The following MGAT5 variants were observed in gnomAD, a reference collection of about 807,000 sequenced individuals.
MGAT5 encodes the protein alpha-1,6-mannosylglycoprotein 6-beta-N-acetylglucosaminyltransferase A.
In MGAT5, 30 loss-of-function variants were observed where a neutral mutation model predicts 94.3. That is an observed-to-expected ratio of 0.32 (90% CI 0.24 to 0.43). The LOEUF (loss-of-function observed/expected upper bound fraction) is 0.43. Ranked by LOEUF, MGAT5 falls within the 20% of genes least tolerant of loss-of-function variation. MGAT5 has a pLI of 1.00. For synonymous variants in MGAT5, 310 were observed against 322.9 expected, an observed-to-expected ratio of 0.96 and a Z score of 0.43; for missense variants, 691 against 905.5, an observed-to-expected ratio of 0.76 and a Z score of 3.04.
At chr2:134,344,058 C>T (rs1360223685) in intron 7 of MGAT5, among the ~76,000 whole-genome samples, 3 of 152,070 alleles carry the variant, frequency 2.0e-5, no homozygotes, top group Non-Finnish European at 2.9e-5. Flanking sequence ...TTGTGACTCT[C>T]GTCCTTTGAA....
At chr2:134,224,370 G>A (rs1025365209) in intron 1 of MGAT5, among the ~76,000 whole-genome samples, 1 of 152,172 alleles carries the variant, frequency 6.6e-6, no homozygotes, top group Non-Finnish European at 1.5e-5. Flanking sequence ...GGAAGACAGG[G>A]AGGGAGCTTC....
At chr2:134,352,530 A>C (rs1323565793) in intron 9 of MGAT5, among the ~76,000 whole-genome samples, 3 of 152,134 alleles carry the variant, frequency 2.0e-5, no homozygotes, top group Admixed American at 2.0e-4. Context: ...GAATGAACTT[A>C]TGTTTCCAAA....
intron 2 of MGAT5, 98 bp from the exon 3 acceptor site, chr2:134,317,431 C>CT: frequency 1.3e-6 from 1 of 789,618 alleles, no homozygotes; most frequent in South Asian, 2.0e-5. Context: ...AGAGACCTTT[C>CT]TTTTTTGGTT....
At chr2:134,312,547 A>G (rs59902004) in intron 2 of MGAT5, among the ~76,000 whole-genome samples, 23,563 of 151,996 alleles carry the variant, frequency 0.16, 2,061 homozygotes, top group South Asian at 0.3. Context: ...TCTTCATTGC[A>G]TTTGTTCCTT....
At chr2:134,442,035 T>TGGGAG (rs1685514903) in intron 15 of MGAT5, 120 bp downstream of exon 15, 1 of 1,150,802 alleles carries the variant, frequency 8.7e-7, no homozygotes, top group African/African-American at 1.5e-5. Flanking sequence ...GGATAAGGTG[T>TGGGAG]GGGAGGGGAG....
chr2:134,451,181 A>G lies in MGAT5; in HGVS notation c.*2334A>G, dbSNP rs1425784498. 1 of 152,214 alleles carries G rather than the reference A, an allele frequency of 6.6e-6. No homozygotes were observed. The highest frequency in any genetic ancestry group is 2.4e-5 in the African/African-American group (1 of 41,440). 9.4% of individuals were successfully genotyped at this position (152,214 alleles called of 1,614,324 possible). On this transcript the variant is annotated 3_prime_UTR_variant, in exon 16 of 16. Coordinates refer to ENST00000281923, the MANE Select transcript of MGAT5 (RefSeq NM_002410.5). ...TTGTGTTCCAAAAGCTGCAAGGATC[A>G]TTTGCTGGCTGTCCCTAAGTTCAAG...
chr2:134,392,410 C>G (rs1466890300), intron 10 of MGAT5, among the ~76,000 whole-genome samples: 1 of 152,176 alleles, frequency 6.6e-6, no homozygotes, highest in Admixed American at 6.5e-5. Flanking sequence ...AAAATCAGCT[C>G]TTCATTTAAA....
chr2:134,382,537 C>T (rs182581635), intron 10 of MGAT5, among the ~76,000 whole-genome samples: 47 of 152,190 alleles, frequency 3.1e-4, no homozygotes, highest in African/African-American at 1.1e-3. Flanking sequence ...AAATATAGGG[C>T]CTTAGGAACA....
At chr2:134,288,819 C>T (rs1685172745) in intron 2 of MGAT5, among the ~76,000 whole-genome samples, 1 of 152,112 alleles carries the variant, frequency 6.6e-6, no homozygotes, top group Non-Finnish European at 1.5e-5. Flanking sequence ...CCACCCATTC[C>T]CCTTCCCACT....
At chr2:134,433,459 T>A (rs6712534) in intron 14 of MGAT5, among the ~76,000 whole-genome samples, 1 of 152,168 alleles carries the variant, frequency 6.6e-6, no homozygotes, top group East Asian at 1.9e-4. Context: ...GGTGAGTTTT[T>A]TGCTCAGTGG....
Position 134,145,214 on chromosome 2 carries a change from C to CTCTGTGTGTGTGTGTGTG in MGAT5, c.-143+24924_-143+24925insCTGTGTGTGTGTGTGTGT, listed in dbSNP as rs373377770. On this transcript the variant is annotated intron_variant, in intron 1 of 16. Coordinates refer to the MGAT5 transcript ENST00000409645. ...GTAAGGTGTGTGTGTGTCTCTCTCTCTGTGTGTGTGTGTGTGTGTGTGTGT... is the reference window on the plus strand; with the variant it reads ...GTAAGGTGTGTGTGTGTCTCTCTCTCTCTGTGTGTGTGTGTGTGTGTGTGTGTGTGTGTGTGTGTGTGT... Among the ~76,000 whole-genome samples the CTCTGTGTGTGTGTGTGTG allele has an allele frequency of 6.4e-3, 915 of 143,848 alleles. 9 individuals are homozygous for CTCTGTGTGTGTGTGTGTG. Among genetic ancestry groups the CTCTGTGTGTGTGTGTGTG allele is most frequent in the African/African-American group, 0.023 (883 of 38,554 alleles). The allele number at this position is 143,848 out of a possible 152,430, so 94.4% of individuals were successfully genotyped here.
chr2:134,434,473 T>A (rs1487894209), intron 14 of MGAT5, among the ~76,000 whole-genome samples: 2 of 152,232 alleles, frequency 1.3e-5, no homozygotes, highest in Non-Finnish European at 2.9e-5. Flanking sequence ...AGCAGGCTTG[T>A]TAACCAGATT....
chr2:134,130,254 ACCGCCC>A, intron 1 of MGAT5, among the ~76,000 whole-genome samples: 1 of 127,700 alleles, frequency 7.8e-6, no homozygotes, highest in Non-Finnish European at 1.7e-5. Context: ...ACCGCCCCAC[ACCGCCC>A]CACACCGCCC....
At chr2:134,419,810 A>G (rs753159504) in intron 12 of MGAT5, among the ~76,000 whole-genome samples, 2 of 152,174 alleles carry the variant, frequency 1.3e-5, no homozygotes, top group Non-Finnish European at 2.9e-5. Context: ...ATAAGCAGAG[A>G]CCTTAAAAGG....
At chr2:134,136,908 C>T (rs1686435257) in intron 1 of MGAT5, among the ~76,000 whole-genome samples, 1 of 152,162 alleles carries the variant, frequency 6.6e-6, no homozygotes. Flanking sequence ...AAGAATTGAG[C>T]TCTATTCTTG....
At chr2:134,417,561 A>G (rs1218365550) in intron 12 of MGAT5, among the ~76,000 whole-genome samples, 1 of 152,182 alleles carries the variant, frequency 6.6e-6, no homozygotes, top group Non-Finnish European at 1.5e-5. Flanking sequence ...TTTTCCCATC[A>G]GTCAAATTTG....
intron 1 of MGAT5, among the ~76,000 whole-genome samples, chr2:134,266,160 CAAA>C (rs371430614): frequency 8.9e-6 from 1 of 112,592 alleles, no homozygotes. Context: ...GACTCCATCT[CAAA>C]AAAAAAAAAA....
intron 1 of MGAT5, among the ~76,000 whole-genome samples, chr2:134,173,908 T>G (rs1688339235): frequency 6.6e-6 from 1 of 152,152 alleles, no homozygotes; most frequent in Admixed American, 6.5e-5. Context: ...AGTGAGGAAA[T>G]AGTTGGATCA....
chr2:134,429,722 G>A lies in MGAT5; in HGVS notation c.1869+1283G>A, dbSNP rs79433666. Among the ~76,000 whole-genome samples, 1,168 of 152,252 alleles carry A rather than the reference G, an allele frequency of 7.7e-3. 11 individuals carry two copies. Among genetic ancestry groups the A allele is most frequent in the African/African-American group, 0.027 (1,116 of 41,544 alleles). On this transcript the variant is annotated intron_variant, in intron 14 of 15. Transcript: ENST00000281923. ...TTGTAGTATAATTATTTGGTTTCAC[G>A]AGAAACCATTTGAATCTTTATCTCA...
Sources: gnomAD v4.1 joint callset for allele counts (sites outside exome capture counted in the v4.1 genomes callset) on GRCh38, gnomAD v4.1.1 for gene constraint, MANE v1.5 for transcripts, NCBI Gene and HGNC (gene_info 2026-07-23, HGNC 2026-07-21) for gene names.